The following SYNE1 variants were observed in gnomAD, a reference collection of about 807,000 sequenced individuals.
SYNE1 encodes the protein spectrin repeat containing nuclear envelope protein 1.
SYNE1 carries 616 observed loss-of-function variants against 1,111.0 expected under a neutral mutation model. That is an observed-to-expected ratio of 0.55 (90% CI 0.52 to 0.59). The LOEUF is 0.59. Ranked by LOEUF, SYNE1 falls within the 20% of genes least tolerant of loss-of-function variation. The probability of loss-of-function intolerance (pLI) is 0.00; values close to 1 mark genes in which losing one functional copy is unlikely to be tolerated. For synonymous variants in SYNE1, 3,855 were observed against 3,825.8 expected, an observed-to-expected ratio of 1.01 and a Z score of -0.28; for missense variants, 10,006 against 10,417.0, an observed-to-expected ratio of 0.96 and a Z score of 1.72.
At chr6:152,604,264 G>A (rs1469152961) in intron 3 of SYNE1, among the ~76,000 whole-genome samples, 1 of 151,408 alleles carries the variant, frequency 6.6e-6, no homozygotes, top group Non-Finnish European at 1.5e-5. Flanking sequence ...GAATTTTAAG[G>A]AACTTGCATT....
At chr6:152,380,716 G>A (rs967301192) in intron 56 of SYNE1, 3 of 398,766 alleles carry the variant, frequency 7.5e-6, no homozygotes, top group Admixed American at 7.8e-5. Context: ...CAGACTGAAT[G>A]GCTGAATACA....
chr6:152,356,431 G>C lies in SYNE1; in HGVS notation c.10609-1455C>G, dbSNP rs865782141. 5.4e-5 allele frequency among the ~76,000 whole-genome samples: 8 copies of C among 147,480 alleles called. No individual in the cohort carries two copies. The South Asian group carries it at 1.5e-3, about 27-fold the overall frequency. On this transcript the variant is annotated intron_variant, in intron 66 of 145. Transcript: ENST00000367255. Reference sequence around the variant, plus strand: ...AGTCTGTATTCTGAAGGAAAAAATAGTTCAATATTTAAATAAATATATATA... The same window carrying C: ...AGTCTGTATTCTGAAGGAAAAAATACTTCAATATTTAAATAAATATATATA...
chr6:152,622,994 C>T (rs1417691088), intron 3 of SYNE1, among the ~76,000 whole-genome samples: 1 of 152,030 alleles, frequency 6.6e-6, no homozygotes, highest in Non-Finnish European at 1.5e-5. Context: ...CTTTTATTGG[C>T]ATGTCTCTAA....
At chr6:152,394,437 C>T (rs2097699098) in intron 51 of SYNE1, among the ~76,000 whole-genome samples, 1 of 152,148 alleles carries the variant, frequency 6.6e-6, no homozygotes, top group African/African-American at 2.4e-5. Context: ...GGAGCCAAAG[C>T]CAAGCTGCAC....
In SYNE1 at chr6:152,176,486, T is replaced by C; in HGVS notation, c.23535A>G (p.Lys7845=). The C allele has an allele frequency of 6.2e-7, 1 of 1,614,142 alleles. No homozygotes were observed. The highest frequency in any genetic ancestry group is 1.1e-5 in the South Asian group (1 of 91,080). Residue 7845 remains lysine (K), a synonymous_variant, in exon 130 of 146, where the codon AAA becomes AAG. Transcript: ENST00000367255. ...CAGATGCTTTGCTTTCATGGCTGGC[T>C]TTAGCAAGTCGTTCTCCCATTTGTT... The part of the protein sequence containing the change: ...QLQQMGERLA[K]ASHESKASEI...
At chr6:152,595,827 G>A (rs1001672369) in intron 3 of SYNE1, among the ~76,000 whole-genome samples, 3 of 152,052 alleles carry the variant, frequency 2.0e-5, no homozygotes, top group African/African-American at 7.2e-5. Flanking sequence ...TGTACGATGC[G>A]GCTGTTGGGT....
chr6:152,308,652 C>T lies in SYNE1; in HGVS notation c.17203-20G>A. 6.4e-7 allele frequency: 1 copy of T among 1,568,258 alleles called. No individual in the cohort carries two copies. Among genetic ancestry groups the T allele is most frequent in the Non-Finnish European group, 8.6e-7 (1 of 1,163,534 alleles). On this transcript the variant is annotated intron_variant, in intron 90 of 145. Transcript: ENST00000367255. ...AGCTTCCTTTGAAAAAAAAAAAAAA[C>T]AGAAAGATAGACAGTTTTTTTTCTC...
At chr6:152,187,127 T>C (rs761546555) in intron 128 of SYNE1, among the ~76,000 whole-genome samples, 28 of 152,172 alleles carry the variant, frequency 1.8e-4, no homozygotes, top group Non-Finnish European at 1.0e-4. Flanking sequence ...CCAAATTCAT[T>C]TTGAACTCAA....
intron 63 of SYNE1, among the ~76,000 whole-genome samples, chr6:152,363,311 A>C (rs868283588): frequency 6.8e-6 from 1 of 147,392 alleles, no homozygotes; most frequent in East Asian, 2.2e-4. Context: ...TGGCTAACAC[A>C]GTGAAACCCC....
chr6:152,289,776 A>G lies in SYNE1; in HGVS notation c.18012+3812T>C, dbSNP rs368236586. On this transcript the variant is annotated intron_variant, in intron 95 of 145. Transcript: ENST00000367255. The stretch of plus-strand genomic sequence containing the variant: ...CAAGTAGCTGGGACTACAAGCGCCC[A>G]CCACCATGCCTGGCTAAGTTTTTGT... Among the ~76,000 whole-genome samples, 675 of 152,104 alleles carry G rather than the reference A, an allele frequency of 4.4e-3. 7 individuals are homozygous for G. The highest frequency in any genetic ancestry group is 0.015 in the African/African-American group (604 of 41,520).
chr6:152,348,864 G>A (rs1303906039), intron 72 of SYNE1, among the ~76,000 whole-genome samples: 1 of 151,460 alleles, frequency 6.6e-6, no homozygotes, highest in Non-Finnish European at 1.5e-5. Flanking sequence ...AGCAGTCCAG[G>A]GTCTACAAAC....
intron 12 of SYNE1, among the ~76,000 whole-genome samples, chr6:152,485,780 A>G (rs1358095560): frequency 6.6e-6 from 1 of 152,254 alleles, no homozygotes; most frequent in Non-Finnish European, 1.5e-5. Flanking sequence ...CACAACTAAA[A>G]GAATTTCAAA....
intron 3 of SYNE1, among the ~76,000 whole-genome samples, chr6:152,615,407 A>T (rs1276117104): frequency 1.4e-5 from 2 of 142,652 alleles, no homozygotes; most frequent in African/African-American, 5.3e-5. Context: ...TGACTCCAAG[A>T]CTCAATGTTG....
chr6:152,152,379 A>AAC (rs2060588478), intron 133 of SYNE1, among the ~76,000 whole-genome samples: 2 of 152,146 alleles, frequency 1.3e-5, no homozygotes, highest in Admixed American at 6.6e-5. Flanking sequence ...GTAATGAATA[A>AAC]ACACACACGC....
intron 121 of SYNE1, among the ~76,000 whole-genome samples, chr6:152,217,241 A>C (rs902023024): frequency 4.6e-5 from 7 of 150,566 alleles, no homozygotes; most frequent in Non-Finnish European, 1.0e-4. Context: ...AAAAATACAA[A>C]AAAAATTAGC....
At chr6:152,272,049 G>A (rs1212431778) in intron 98 of SYNE1, among the ~76,000 whole-genome samples, 1 of 152,220 alleles carries the variant, frequency 6.6e-6, no homozygotes, top group Non-Finnish European at 1.5e-5. Context: ...CAATCGAAAT[G>A]TTAGGTCTTA....
At chr6:152,224,957 G>GTATATATATATATATATATA in intron 116 of SYNE1, among the ~76,000 whole-genome samples, 1 of 143,090 alleles carries the variant, frequency 7.0e-6, no homozygotes, top group South Asian at 2.2e-4. Context: ...ACATATATAT[G>GTATATATATATATATATATA]TGTATATATA....
chr6:152,600,437 A>G (rs1340475288), intron 3 of SYNE1, among the ~76,000 whole-genome samples: 1 of 152,240 alleles, frequency 6.6e-6, no homozygotes. Context: ...AAAAGCAAAC[A>G]GAAACCTTTC....
chr6:152,367,574 A>G (rs2097103380), intron 61 of SYNE1, 192 bp from the exon 62 acceptor site: 2 of 643,862 alleles, frequency 3.1e-6, no homozygotes, highest in Admixed American at 5.3e-5. Flanking sequence ...TAACTGGGTC[A>G]AAAGCAAAAA....
Sources: gnomAD v4.1 joint callset for allele counts (sites outside exome capture counted in the v4.1 genomes callset) on GRCh38, gnomAD v4.1.1 for gene constraint, MANE v1.5 for transcripts, NCBI Gene and HGNC (gene_info 2026-07-23, HGNC 2026-07-21) for gene names.